MAF: variants seen among roughly 807,000 people sequenced by gnomAD.
MAF encodes the protein MAF bZIP transcription factor, also known as transcription factor Maf.
In MAF, 10 loss-of-function variants were observed where a neutral mutation model predicts 22.0. That is an observed-to-expected ratio of 0.45 (90% CI 0.28 to 0.77). MAF has a LOEUF of 0.77. MAF is among the 30% of genes least tolerant of loss of function. MAF has a pLI of 0.12. For synonymous variants in MAF, 337 were observed against 255.8 expected, an observed-to-expected ratio of 1.32 and a Z score of -3.03; for missense variants, 544 against 548.4, an observed-to-expected ratio of 0.99 and a Z score of 0.08.
At chr16:79,220,045 C>A in the MAF span, among the ~76,000 whole-genome samples, 1 of 151,966 alleles carries the variant, frequency 6.6e-6, no homozygotes, top group Non-Finnish European at 1.5e-5. Context: ...CACCTGAGGT[C>A]AGGAGTTCAA....
the MAF span, among the ~76,000 whole-genome samples, chr16:79,580,424 T>G: frequency 6.6e-6 from 1 of 152,140 alleles, no homozygotes; most frequent in Non-Finnish European, 1.5e-5. Context: ...ATGAACAACT[T>G]TATCACTGAC....
the MAF span, among the ~76,000 whole-genome samples, chr16:79,340,033 A>T: frequency 6.6e-6 from 1 of 152,214 alleles, no homozygotes; most frequent in Non-Finnish European, 1.5e-5. Flanking sequence ...GATGGACTGC[A>T]GCGTGGAAAT....
chr16:79,320,698 C>T, the MAF span, among the ~76,000 whole-genome samples: 1 of 152,212 alleles, frequency 6.6e-6, no homozygotes, highest in Non-Finnish European at 1.5e-5. Context: ...GGACTTTTAA[C>T]ACTTATCCCA....
At chr16:79,260,569 A>C in the MAF span, among the ~76,000 whole-genome samples, 1 of 152,154 alleles carries the variant, frequency 6.6e-6, no homozygotes, top group Non-Finnish European at 1.5e-5. Flanking sequence ...ACCATTTTAA[A>C]ATTGTATTCC....
At chr16:79,325,070 A>T in the MAF span, among the ~76,000 whole-genome samples, 590 of 152,176 alleles carry the variant, frequency 3.9e-3, 4 homozygotes, top group African/African-American at 0.013. Flanking sequence ...TTGGAATTAG[A>T]GCCTAACCCA....
chr16:79,422,414 G>C, the MAF span, among the ~76,000 whole-genome samples: 1 of 152,162 alleles, frequency 6.6e-6, no homozygotes, highest in Non-Finnish European at 1.5e-5. Context: ...ACTCTCTGTA[G>C]AGTCCCGGGG....
At chr16:79,502,740 TATATATATATATATA>T in the MAF span, among the ~76,000 whole-genome samples, 1 of 88,174 alleles carries the variant, frequency 1.1e-5, no homozygotes, top group Non-Finnish European at 2.2e-5. Flanking sequence ...TATATATATA[TATATATATATATATA>T]AAGACTCATT....
the MAF span, among the ~76,000 whole-genome samples, chr16:79,338,438 T>A: frequency 6.6e-6 from 1 of 152,192 alleles, no homozygotes; most frequent in Admixed American, 6.5e-5. Context: ...TTTTAAAGAT[T>A]TTCTACACTT....
the MAF span, among the ~76,000 whole-genome samples, chr16:79,520,700 C>T: frequency 3.9e-5 from 6 of 152,162 alleles, no homozygotes; most frequent in African/African-American, 1.2e-4. Context: ...GTTTCTGTCC[C>T]AACCCTGTGC....
the MAF span, among the ~76,000 whole-genome samples, chr16:79,566,451 G>A: frequency 2.0e-5 from 3 of 152,292 alleles, no homozygotes; most frequent in South Asian, 4.1e-4. Flanking sequence ...CTGAGCTGAC[G>A]GAGTGATGGT....
chr16:79,495,893 C>T, the MAF span, among the ~76,000 whole-genome samples: 4 of 152,156 alleles, frequency 2.6e-5, no homozygotes, highest in African/African-American at 9.7e-5. Flanking sequence ...AATATCTCTG[C>T]CTTTATGGAG....
the MAF span, chr16:79,203,600 C>T: frequency 1.3e-5 from 2 of 151,226 alleles, no homozygotes; most frequent in Non-Finnish European, 2.9e-5. Context: ...AAACAAACAG[C>T]TTGTTTGTGG....
At chr16:79,523,392 T>C in the MAF span, among the ~76,000 whole-genome samples, 2 of 152,260 alleles carry the variant, frequency 1.3e-5, no homozygotes, top group African/African-American at 2.4e-5. Flanking sequence ...AATGAGGTTA[T>C]GTTGAAGCTC....
At chr16:79,216,059 C>G in the MAF span, among the ~76,000 whole-genome samples, 1 of 152,130 alleles carries the variant, frequency 6.6e-6, no homozygotes, top group African/African-American at 2.4e-5. Context: ...TGGCATAATT[C>G]CTATTATTCC....
At chr16:79,350,931 A>C in the MAF span, among the ~76,000 whole-genome samples, 1 of 150,884 alleles carries the variant, frequency 6.6e-6, no homozygotes, top group Non-Finnish European at 1.5e-5. Context: ...TCTTAGACTT[A>C]CTATGTGCTC....
At chr16:79,466,822 G>C in the MAF span, among the ~76,000 whole-genome samples, 1 of 152,178 alleles carries the variant, frequency 6.6e-6, no homozygotes, top group African/African-American at 2.4e-5. Flanking sequence ...TATTACTCAT[G>C]TTCATCTTTT....
chr16:79,224,272 G>T, the MAF span, among the ~76,000 whole-genome samples: 3 of 152,018 alleles, frequency 2.0e-5, no homozygotes, highest in Non-Finnish European at 4.4e-5. Context: ...CATGATTCTC[G>T]CAATAGATGC....
At chr16:79,578,244 A>C in the MAF span, among the ~76,000 whole-genome samples, 2 of 152,154 alleles carry the variant, frequency 1.3e-5, no homozygotes, top group Non-Finnish European at 2.9e-5. Flanking sequence ...AATTTACAGA[A>C]TACATTGATT....
the MAF span, among the ~76,000 whole-genome samples, chr16:79,477,530 A>T: frequency 6.6e-6 from 1 of 152,188 alleles, no homozygotes; most frequent in Non-Finnish European, 1.5e-5. Flanking sequence ...GTATTTACTG[A>T]GTTTGTACCA....
Sources: allele counts gnomAD v4.1 joint callset (sites outside exome capture counted in the v4.1 genomes callset), GRCh38; gene constraint gnomAD v4.1.1; transcripts MANE v1.5; gene names NCBI Gene and HGNC (gene_info 2026-07-23, HGNC 2026-07-21).